KCNQ5: variants seen among roughly 807,000 people sequenced by gnomAD.
KCNQ5 encodes the protein potassium voltage-gated channel subfamily KQT member 5.
In KCNQ5, 30 loss-of-function variants were observed where a neutral mutation model predicts 98.2. The observed-to-expected ratio is 0.31, with a 90% CI of 0.23 to 0.41. The LOEUF is 0.41. Ranked by LOEUF, KCNQ5 falls within the 10% of genes least tolerant of loss-of-function variation. The pLI, the probability that KCNQ5 is intolerant of heterozygous loss-of-function variation, is 1.00. For missense variants in KCNQ5, 835 were observed against 1,182.5 expected, an observed-to-expected ratio of 0.71 and a Z score of 4.31; for synonymous variants, 458 against 449.4, an observed-to-expected ratio of 1.02 and a Z score of -0.24.
intron 11 of KCNQ5, among the ~76,000 whole-genome samples, chr6:73,188,841 G>T (rs1765479239): frequency 6.6e-6 from 1 of 152,076 alleles, no homozygotes; most frequent in South Asian, 2.1e-4. Context: ...AAAATTAGCA[G>T]GTATGGTGGC....
rs548722465 is a variant in KCNQ5 at position 72,967,495 on chromosome 6, AT to A, written c.399-36410del. 1.4e-3 allele frequency among the ~76,000 whole-genome samples: 210 copies of A among 151,916 alleles called. 2 individuals carry two copies. The highest frequency in any genetic ancestry group is 6.8e-3 in the Middle Eastern group (2 of 294). Reference sequence around the variant, plus strand: ...ATATATTTTTCATTTTTTTCTTTTTATTTCCTTCAACCATATGATGCAATCA... The same window carrying A: ...ATATATTTTTCATTTTTTTCTTTTTATTCCTTCAACCATATGATGCAATCA... On this transcript the variant is annotated intron_variant, in intron 1 of 13. Coordinates refer to ENST00000370398, the MANE Select transcript of KCNQ5 (RefSeq NM_019842.4).
intron 1 of KCNQ5, among the ~76,000 whole-genome samples, chr6:72,915,689 C>A (rs1286590055): frequency 2.0e-5 from 3 of 152,100 alleles, no homozygotes; most frequent in Non-Finnish European, 2.9e-5. Flanking sequence ...CACATAATCA[C>A]ACACAATCAC....
rs1582016837 is a variant in KCNQ5, at chr6:72,919,613, C to G, written c.399-84295C>G. Reference sequence around the variant, plus strand: ...GATTCAAACCTACACATCTGGCTCACAGTCTATGCTCTTAGTTAATCTGCT... The same window carrying G: ...GATTCAAACCTACACATCTGGCTCAGAGTCTATGCTCTTAGTTAATCTGCT... On this transcript the variant is annotated intron_variant, in intron 1 of 13. Coordinates refer to ENST00000370398, the MANE Select transcript of KCNQ5 (RefSeq NM_019842.4). Among the ~76,000 whole-genome samples, 3 of 152,178 alleles carry G rather than the reference C, an allele frequency of 2.0e-5. No homozygotes were observed. The East Asian group carries it at 5.8e-4, about 29-fold the overall frequency.
intron 1 of KCNQ5, chr6:72,986,905 G>A: frequency 2.3e-6 from 2 of 851,390 alleles, no homozygotes; most frequent in Non-Finnish European, 3.9e-6. Context: ...CTTGCTCAGT[G>A]GGGAAGAAGG....
At chr6:72,987,392 T>C in intron 1 of KCNQ5, 1 of 714,194 alleles carries the variant, frequency 1.4e-6, no homozygotes, top group Non-Finnish European at 2.6e-6. Context: ...AAACGGAAGC[T>C]TGTGAAACCA....
At chr6:72,645,354 C>A (rs376843237) in intron 1 of KCNQ5, among the ~76,000 whole-genome samples, 6 of 150,288 alleles carry the variant, frequency 4.0e-5, no homozygotes, top group African/African-American at 1.2e-4. Flanking sequence ...CCACTGCACT[C>A]CAGCCTGGGT....
At position 72,708,731 on chromosome 6, in the gene KCNQ5, C is replaced by G. The variant is rs544611088; in HGVS notation, c.398+86144C>G. On this transcript the variant is annotated intron_variant, in intron 1 of 13. Transcript: ENST00000370398. ...GAGACGGTGTCTGGCCATGTTGCCC[C>G]GCCTGGTCTCCTGAGCTCAAGTGAT... Among the ~76,000 whole-genome samples the G allele has an allele frequency of 9.2e-5, 14 of 152,020 alleles. No homozygotes were observed. In the East Asian group the frequency reaches 2.5e-3, roughly 27 times the overall value.
intron 10 of KCNQ5, chr6:73,136,736 T>C (rs1411388841): frequency 6.6e-6 from 1 of 152,214 alleles, no homozygotes; most frequent in Non-Finnish European, 1.5e-5. Context: ...GAAGTTCTTT[T>C]TTTACAAGAA....
intron 1 of KCNQ5, among the ~76,000 whole-genome samples, chr6:72,902,965 G>C (rs1779567983): frequency 1.3e-5 from 2 of 151,980 alleles, no homozygotes. Context: ...ATCTGGTCCT[G>C]GACTTTTTTG....
In KCNQ5 at chr6:73,020,079, G is replaced by A. The variant is rs146296366; in HGVS notation, c.489+16081G>A. On this transcript the variant is annotated intron_variant, in intron 2 of 13. Coordinates refer to ENST00000370398, the MANE Select transcript of KCNQ5 (RefSeq NM_019842.4). ...GTGGGGGTTTTTCCCTACACGCAAAGCAAGCGATCAGTTTTAGAGTGGACA... is the reference window on the plus strand; with the variant it reads ...GTGGGGGTTTTTCCCTACACGCAAAACAAGCGATCAGTTTTAGAGTGGACA... 2.8e-3 allele frequency among the ~76,000 whole-genome samples: 428 copies of A among 152,234 alleles called. 5 individuals carry two copies. The highest frequency in any genetic ancestry group is 0.024 in the East Asian group (125 of 5,172).
At chr6:73,191,772 C>A (rs1765598843) in intron 12 of KCNQ5, among the ~76,000 whole-genome samples, 1 of 152,186 alleles carries the variant, frequency 6.6e-6, no homozygotes, top group African/African-American at 2.4e-5. Context: ...GTAGAGTTTG[C>A]AGTTTAGTAA....
At chr6:72,746,791 GAACATT>G (rs1226839912) in intron 1 of KCNQ5, among the ~76,000 whole-genome samples, 1 of 152,056 alleles carries the variant, frequency 6.6e-6, no homozygotes, top group Non-Finnish European at 1.5e-5. Flanking sequence ...AATACATCAA[GAACATT>G]AACATTAACA....
intron 11 of KCNQ5, among the ~76,000 whole-genome samples, chr6:73,175,400 C>G (rs760934088): frequency 2.3e-4 from 35 of 152,216 alleles, no homozygotes; most frequent in Admixed American, 1.6e-3. Flanking sequence ...TCTGCCCCCC[C>G]CTTGGCTTCC....
At chr6:72,995,503 A>C (rs1769253520) in intron 1 of KCNQ5, among the ~76,000 whole-genome samples, 1 of 152,122 alleles carries the variant, frequency 6.6e-6, no homozygotes, top group Non-Finnish European at 1.5e-5. Flanking sequence ...ACATCAGGGG[A>C]ATAGAGTAGA....
At chr6:72,981,542 CTCTCT>C (rs928137094) in intron 1 of KCNQ5, among the ~76,000 whole-genome samples, 83 of 151,862 alleles carry the variant, frequency 5.5e-4, no homozygotes, top group African/African-American at 2.0e-3. Context: ...TTTGATTCTT[CTCTCT>C]TCTCTTCTTT....
intron 1 of KCNQ5, among the ~76,000 whole-genome samples, chr6:72,914,817 A>G (rs1780068348): frequency 6.6e-6 from 1 of 151,676 alleles, no homozygotes; most frequent in African/African-American, 2.4e-5. Flanking sequence ...TTCGGGTCTC[A>G]AGCCAGGGGG....
At chr6:72,652,295 G>A (rs1765917324) in intron 1 of KCNQ5, among the ~76,000 whole-genome samples, 2 of 149,900 alleles carry the variant, frequency 1.3e-5, no homozygotes, top group African/African-American at 4.9e-5. Context: ...GTCTTTTTTA[G>A]TTAGATGTTT....
At chr6:72,896,260 T>C (rs1444210317) in intron 1 of KCNQ5, among the ~76,000 whole-genome samples, 2 of 152,144 alleles carry the variant, frequency 1.3e-5, no homozygotes, top group African/African-American at 4.8e-5. Context: ...ATAGTAGATA[T>C]AAAAGCACGT....
intron 1 of KCNQ5, among the ~76,000 whole-genome samples, chr6:72,839,184 G>T (rs1183150960): frequency 6.6e-6 from 1 of 151,920 alleles, no homozygotes; most frequent in Non-Finnish European, 1.5e-5. Context: ...TACAGTTCTT[G>T]TGTGAAAATT....
Sources: gnomAD v4.1 joint callset for allele counts (sites outside exome capture counted in the v4.1 genomes callset) on GRCh38, gnomAD v4.1.1 for gene constraint, MANE v1.5 for transcripts, NCBI Gene and HGNC (gene_info 2026-07-23, HGNC 2026-07-21) for gene names.